Variants in TOP2B observed in about 807,000 individuals in gnomAD.
TOP2B encodes DNA topoisomerase 2-beta.
In TOP2B, 51 loss-of-function variants were observed where a neutral mutation model predicts 193.5. That is an observed-to-expected ratio of 0.26 (90% CI 0.21 to 0.33). The LOEUF is 0.33. Among genes scored for constraint, TOP2B ranks in the 10% least tolerant of loss-of-function variants. The pLI, the probability that TOP2B is intolerant of heterozygous loss-of-function variation, is 1.00. For missense variants in TOP2B, 1,378 were observed against 1,909.3 expected, an observed-to-expected ratio of 0.72 and a Z score of 5.19; for synonymous variants, 634 against 635.7, an observed-to-expected ratio of 1.00 and a Z score of 0.04.
chr3:25,655,689 T>C (rs1703722324), intron 1 of TOP2B, among the ~76,000 whole-genome samples: 1 of 152,178 alleles, frequency 6.6e-6, no homozygotes, highest in Non-Finnish European at 1.5e-5. Flanking sequence ...CAATGGAGTA[T>C]TATGCAGCCT....
rs534082660 is a variant in TOP2B, at chr3:25,607,998, T to C, written c.4094-623A>G. On this transcript the variant is annotated intron_variant, in intron 30 of 35. Coordinates refer to ENST00000264331, the MANE Select transcript of TOP2B (RefSeq NM_001330700.2). ...CAGGGTCTTGCCATGTTACCCAGGC[T>C]GGTCTTGAACTCCTGACCTCAAGTG... Among the ~76,000 whole-genome samples the C allele has an allele frequency of 2.6e-5, 4 of 152,244 alleles. No homozygotes were observed. The East Asian group carries it at 7.7e-4, about 29-fold the overall frequency.
At chr3:25,633,803 C>A in intron 8 of TOP2B, 38 bp downstream of exon 8, 1 of 1,556,576 alleles carries the variant, frequency 6.4e-7, no homozygotes. Context: ...AAGTACTGTT[C>A]TACCACTGAC....
intron 7 of TOP2B, among the ~76,000 whole-genome samples, chr3:25,634,574 G>GT (rs1194160135): frequency 6.6e-6 from 1 of 151,966 alleles, no homozygotes; most frequent in Non-Finnish European, 1.5e-5. Flanking sequence ...GTGTATACTA[G>GT]TTTGAATGCA....
intron 25 of TOP2B, 143 bp from the exon 26 acceptor site, chr3:25,615,729 C>G: frequency 2.9e-6 from 2 of 684,896 alleles, no homozygotes; most frequent in Non-Finnish European, 4.2e-6. Context: ...TTTTGGATTA[C>G]CTATAAAAAT....
chr3:25,599,145 T>A (rs1325479737), intron 35 of TOP2B, among the ~76,000 whole-genome samples: 1 of 152,092 alleles, frequency 6.6e-6, no homozygotes, highest in Non-Finnish European at 1.5e-5. Flanking sequence ...GTCTGAAAAA[T>A]AATATTTTAG....
In TOP2B at chr3:25,657,544, T is replaced by C. The variant is rs560211239; in HGVS notation, c.69+6685A>G. Among the ~76,000 whole-genome samples, 5 of 152,316 alleles carry C rather than the reference T, an allele frequency of 3.3e-5. No homozygotes were observed. In the South Asian group the frequency reaches 1.0e-3, roughly 32 times the overall value. On this transcript the variant is annotated intron_variant, in intron 1 of 35. Transcript: ENST00000264331. ...ACAACCACAAACTAGCAAACTCCTA[T>C]CTGCATGTTTATAAAAGCACCTCAA...
At chr3:25,602,300 G>C (rs957516748) in intron 33 of TOP2B, among the ~76,000 whole-genome samples, 2 of 150,524 alleles carry the variant, frequency 1.3e-5, no homozygotes, top group Non-Finnish European at 2.9e-5. Flanking sequence ...GGGAGGATGA[G>C]GCAGAGGAAT....
chr3:25,632,385 C>A, intron 10 of TOP2B, 61 bp downstream of exon 10: 2 of 1,397,178 alleles, frequency 1.4e-6, no homozygotes, highest in Non-Finnish European at 1.9e-6. Context: ...TAAAGTAAAT[C>A]AAGAAAACTA....
At chr3:25,602,012 A>G (rs17016872) in intron 33 of TOP2B, among the ~76,000 whole-genome samples, 1 of 152,176 alleles carries the variant, frequency 6.6e-6, no homozygotes, top group South Asian at 2.1e-4. Flanking sequence ...AAAATCCTAG[A>G]TAAGTAGACA....
At chr3:25,648,901 G>T (rs1703495847) in intron 1 of TOP2B, among the ~76,000 whole-genome samples, 1 of 152,040 alleles carries the variant, frequency 6.6e-6, no homozygotes, top group South Asian at 2.1e-4. Context: ...TGAGCCTAAA[G>T]AAATGGAAAT....
rs773437494 is a variant in TOP2B, at chr3:25,618,514, G to A, written c.3260-5C>T. 2.5e-6 allele frequency: 4 copies of A among 1,603,886 alleles called. No homozygotes were observed. The highest frequency in any genetic ancestry group is 3.4e-6 in the Non-Finnish European group (4 of 1,172,982). ...AATCTTTCTTTGACCTATTCTCTAT[G>A]TGAGGGAAAAATAAAGTTAGGATCA... is the stretch of plus-strand genomic sequence containing the variant. On this transcript the variant is annotated splice_polypyrimidine_tract_variant and splice_region_variant and intron_variant, in intron 24 of 35. Transcript: ENST00000264331.
At chr3:25,648,579 A>G (rs959816657) in intron 1 of TOP2B, among the ~76,000 whole-genome samples, 4 of 152,222 alleles carry the variant, frequency 2.6e-5, no homozygotes, top group Non-Finnish European at 5.9e-5. Context: ...AATTGCAGCC[A>G]GGCGCAGTGG....
intron 1 of TOP2B, among the ~76,000 whole-genome samples, chr3:25,652,849 T>C (rs1050576349): frequency 1.6e-4 from 24 of 151,628 alleles, no homozygotes; most frequent in Admixed American, 9.2e-4. Context: ...AAAAAATCAA[T>C]GAAACCAAGA....
At chr3:25,629,961 A>C in intron 13 of TOP2B, 68 bp downstream of exon 13, 1 of 1,461,664 alleles carries the variant, frequency 6.8e-7, no homozygotes, top group South Asian at 1.5e-5. Context: ...AAGTCTCATA[A>C]AACAAATATT....
At chr3:25,609,807 G>C in intron 28 of TOP2B, 95 bp from the exon 29 acceptor site, 1 of 1,265,566 alleles carries the variant, frequency 7.9e-7, no homozygotes, top group Non-Finnish European at 1.0e-6. Flanking sequence ...CTTCAAATCA[G>C]GTAAATTTAA....
Position 25,609,701 on chromosome 3 carries a change from A to G in TOP2B, c.3798T>C (p.Asp1266=). The G allele has an allele frequency of 6.7e-7, 1 of 1,496,960 alleles. No homozygotes were observed. The highest frequency in any genetic ancestry group is 8.9e-7 in the Non-Finnish European group (1 of 1,129,304). 92.7% of individuals were successfully genotyped at this position (1,496,960 alleles called of 1,614,324 possible). ...KLLKKKKGDL[D]TAAVKVEFDE... is the part of the protein sequence containing the mutation. Reference sequence around the variant, plus strand: ...CAAATTCCACTTTTACTGCTGCAGTATCAAGATCACCCTACATAATAAAAA... The same window carrying G: ...CAAATTCCACTTTTACTGCTGCAGTGTCAAGATCACCCTACATAATAAAAA... Residue 1266 remains aspartate, a synonymous_variant, in exon 29 of 36, where the codon GAT becomes GAC. Coordinates refer to ENST00000264331, the MANE Select transcript of TOP2B (RefSeq NM_001330700.2).
chr3:25,661,230 C>G (rs1024857976), intron 1 of TOP2B, among the ~76,000 whole-genome samples: 5 of 152,134 alleles, frequency 3.3e-5, no homozygotes, highest in Non-Finnish European at 7.3e-5. Flanking sequence ...AACTCCTGAC[C>G]TCAGGTGATC....
rs760886593 is a variant in TOP2B, at chr3:25,626,804, G to T, written c.2077C>A (p.Arg693=). 1.0e-5 allele frequency: 16 copies of T among 1,607,758 alleles called. No individual in the cohort carries two copies. In the Admixed American group the frequency reaches 1.2e-4, roughly 12 times the overall value. The change falls in exon 17 of 36, where the codon CGG becomes AGG. Residue 693 remains arginine, a synonymous_variant. Transcript: ENST00000264331. ...KEWLTNFMED[R]RQRRLHGLPE... ...AAGCCATGTAGCCTACGCTGTCTCC[G>T]GTCTTCCATAAAATTTGTTAACCAT...
At chr3:25,639,767 A>T (rs926513340) in intron 4 of TOP2B, among the ~76,000 whole-genome samples, 1 of 152,216 alleles carries the variant, frequency 6.6e-6, no homozygotes, top group Non-Finnish European at 1.5e-5. Context: ...CCTTGTATTT[A>T]ATCTGTTCTC....
Sources: allele counts gnomAD v4.1 joint callset (sites outside exome capture counted in the v4.1 genomes callset), GRCh38; gene constraint gnomAD v4.1.1; transcripts MANE v1.5; gene names NCBI Gene and HGNC (gene_info 2026-07-23, HGNC 2026-07-21).